The following PBX1 variants were observed in gnomAD, a reference collection of about 807,000 sequenced individuals.
PBX1 encodes the protein pre-B-cell leukemia transcription factor 1.
A neutral mutation model predicts 53.4 loss-of-function variants in PBX1; 6 were observed. That is an observed-to-expected ratio of 0.11 (90% CI 0.06 to 0.22). PBX1 has a LOEUF of 0.22. Among genes scored for constraint, PBX1 ranks in the 10% least tolerant of loss-of-function variants. The pLI is 1.00. For synonymous variants in PBX1, 204 were observed against 212.3 expected, an observed-to-expected ratio of 0.96 and a Z score of 0.34; for missense variants, 251 against 551.4, an observed-to-expected ratio of 0.46 and a Z score of 5.46.
At chr1:164,832,907 G>A (rs1670839224) in intron 8 of PBX1, among the ~76,000 whole-genome samples, 1 of 151,834 alleles carries the variant, frequency 6.6e-6, no homozygotes, top group Admixed American at 6.6e-5. Context: ...TACTTACAAA[G>A]ATTAAAAAAC....
At position 164,870,208 on chromosome 1, in the gene PBX1, CT is replaced by C. The variant is rs139155656; in HGVS notation, n.258-28976del. ...CTCTATTGACTTTCTTTCTTTCTTT[CT>C]TTTCTTTCTTTCCTTCCTTCCTTCC... On this transcript the variant is annotated intron_variant and non_coding_transcript_variant, in intron 2 of 2. Coordinates refer to the PBX1 transcript ENST00000558796. Among the ~76,000 whole-genome samples, 189 of 136,370 alleles carry C rather than the reference CT, an allele frequency of 1.4e-3. 5 individuals are homozygous for C. Among genetic ancestry groups the C allele is most frequent in the South Asian group, 2.1e-3 (8 of 3,834 alleles). The allele number at this position is 136,370 out of a possible 152,430, so 89.5% of individuals were successfully genotyped here. A position where few individuals can be genotyped will look rare whatever the true frequency, so the allele number is the denominator to read the frequency against.
intron 2 of PBX1, among the ~76,000 whole-genome samples, chr1:164,703,768 G>C (rs1460312062): frequency 1.3e-5 from 2 of 152,170 alleles, no homozygotes; most frequent in Admixed American, 6.5e-5. Context: ...ATCTAAGAGA[G>C]GTCAGGAAGG....
At chr1:164,858,772 T>G (rs1433784417) in intron 2 of PBX1, among the ~76,000 whole-genome samples, 1 of 152,148 alleles carries the variant, frequency 6.6e-6, no homozygotes, top group East Asian at 1.9e-4. Flanking sequence ...AATTTAGAAT[T>G]CTTCAAACAA....
At chr1:164,631,576 T>C (rs1317668827) in intron 2 of PBX1, among the ~76,000 whole-genome samples, 1 of 152,254 alleles carries the variant, frequency 6.6e-6, no homozygotes, top group East Asian at 1.9e-4. Flanking sequence ...GAAGCTCATT[T>C]CTGCTTAGCC....
intron 8 of PBX1, chr1:164,829,899 C>T (rs1670667552): frequency 6.6e-6 from 1 of 151,122 alleles, no homozygotes; most frequent in African/African-American, 2.4e-5. Context: ...CTGCTAGATA[C>T]GAAGATGCTT....
At chr1:164,842,665 G>C (rs1671359947) in intron 8 of PBX1, among the ~76,000 whole-genome samples, 1 of 152,082 alleles carries the variant, frequency 6.6e-6, no homozygotes, top group South Asian at 2.1e-4. Flanking sequence ...ACAGGCCACA[G>C]AATTACCTAT....
intron 2 of PBX1, among the ~76,000 whole-genome samples, chr1:164,741,739 A>AGTGTGTGT (rs57771496): frequency 0.13 from 18,676 of 140,734 alleles, 1,339 homozygotes; most frequent in South Asian, 0.26. Context: ...TGTATGAGTG[A>AGTGTGTGT]GTGTGTGTGT....
At chr1:164,869,032 C>G (rs1229956210) in intron 2 of PBX1, among the ~76,000 whole-genome samples, 2 of 152,194 alleles carry the variant, frequency 1.3e-5, no homozygotes, top group African/African-American at 4.8e-5. Context: ...AGTGTTTTTT[C>G]TGTCTCTGGC....
At chr1:164,577,224 AC>A (rs1309102034) in intron 2 of PBX1, among the ~76,000 whole-genome samples, 1 of 152,136 alleles carries the variant, frequency 6.6e-6, no homozygotes, top group Non-Finnish European at 1.5e-5. Flanking sequence ...GAGATTTTTA[AC>A]CCAAAGAACC....
At chr1:164,861,373 G>C (rs2050744) in intron 2 of PBX1, among the ~76,000 whole-genome samples, 77,553 of 151,986 alleles carry the variant, frequency 0.51, 20,005 homozygotes, top group Middle Eastern at 0.53. Flanking sequence ...AATCCTAATT[G>C]TTCTTGAGAT....
At chr1:164,728,935 C>T (rs1046670923) in intron 2 of PBX1, among the ~76,000 whole-genome samples, 9 of 152,206 alleles carry the variant, frequency 5.9e-5, no homozygotes, top group African/African-American at 1.9e-4. Flanking sequence ...AGTGGGCCAG[C>T]TCATTATAAC....
At chr1:164,726,319 G>A (rs1664698322) in intron 2 of PBX1, among the ~76,000 whole-genome samples, 1 of 152,090 alleles carries the variant, frequency 6.6e-6, no homozygotes, top group African/African-American at 2.4e-5. Flanking sequence ...AGAGAAAATG[G>A]GACAGGATGA....
chr1:164,685,447 TGTG>T (rs1356653277), intron 2 of PBX1, among the ~76,000 whole-genome samples: 1 of 152,230 alleles, frequency 6.6e-6, no homozygotes, highest in East Asian at 1.9e-4. Context: ...TCATGCTTCC[TGTG>T]GTGGAAGAAA....
At chr1:164,688,607 C>T (rs1662265020) in intron 2 of PBX1, among the ~76,000 whole-genome samples, 1 of 152,106 alleles carries the variant, frequency 6.6e-6, no homozygotes, top group African/African-American at 2.4e-5. Flanking sequence ...CATACCTAAC[C>T]CCACTCACAC....
chr1:164,756,473 C>T (rs1666533157), intron 2 of PBX1, among the ~76,000 whole-genome samples: 1 of 152,148 alleles, frequency 6.6e-6, no homozygotes, highest in Non-Finnish European at 1.5e-5. Context: ...TGCTTATAAT[C>T]ATATTTATAA....
At chr1:164,753,832 A>G (rs1666351668) in intron 2 of PBX1, among the ~76,000 whole-genome samples, 1 of 152,122 alleles carries the variant, frequency 6.6e-6, no homozygotes, top group Non-Finnish European at 1.5e-5. Context: ...CAGTTTCCCA[A>G]AGGAATGTGG....
chr1:164,794,246 G>T (rs1668678218), intron 3 of PBX1, among the ~76,000 whole-genome samples: 1 of 152,160 alleles, frequency 6.6e-6, no homozygotes, highest in Admixed American at 6.5e-5. Context: ...CAGTCCACTT[G>T]TAACTATCTA....
chr1:164,734,167 T>C (rs1460826373), intron 2 of PBX1, among the ~76,000 whole-genome samples: 1 of 152,206 alleles, frequency 6.6e-6, no homozygotes, highest in African/African-American at 2.4e-5. Flanking sequence ...ATACGTTGGA[T>C]CCTACCACTA....
intron 2 of PBX1, among the ~76,000 whole-genome samples, chr1:164,635,769 G>A (rs1176177192): frequency 6.6e-6 from 1 of 152,196 alleles, no homozygotes; most frequent in East Asian, 1.9e-4. Context: ...ATTCCGTAGA[G>A]ACCGGTGTCT....
Sources: allele counts gnomAD v4.1 joint callset (sites outside exome capture counted in the v4.1 genomes callset), GRCh38; gene constraint gnomAD v4.1.1; transcripts MANE v1.5; gene names NCBI Gene and HGNC (gene_info 2026-07-23, HGNC 2026-07-21).